Variants in TNRC6B observed in about 807,000 individuals in gnomAD.
TNRC6B encodes the protein trinucleotide repeat containing adaptor 6B, also known as trinucleotide repeat-containing gene 6B protein.
Under a neutral mutation model 203.6 loss-of-function variants are expected in TNRC6B, and 52 were observed. That is an observed-to-expected ratio of 0.26 (90% CI 0.20 to 0.32). The LOEUF is 0.32. Ranked by LOEUF, TNRC6B falls within the 10% of genes least tolerant of loss-of-function variation. TNRC6B has a pLI of 1.00. For missense variants in TNRC6B, 1,923 were observed against 2,286.2 expected (o/e 0.84, Z 3.24); for synonymous variants, 838 against 845.7 (o/e 0.99, Z 0.16).
At chr22:40,090,325 C>T (rs1288756443) in intron 1 of TNRC6B, among the ~76,000 whole-genome samples, 1 of 152,036 alleles carries the variant, frequency 6.6e-6, no homozygotes, top group Admixed American at 6.6e-5. Context: ...CCTGTTTCTC[C>T]ATGTCGTTAC....
rs758172445 is a variant in TNRC6B, at chr22:40,277,138, A to G, written c.3203A>G (p.Asn1068Ser). ...WMNPLAKQFSNMGLLSQTEDN... is the reference protein window; with the variant it reads ...WMNPLAKQFSSMGLLSQTEDN... ...AATCCTCTTGCCAAACAGTTTTCAA[A>G]TATGGGATTGCTGGTAAGTTTTATT... is the stretch of plus-strand genomic sequence containing the variant. The change falls in exon 8 of 23, where the codon AAT becomes AGT. Residue 1068 changes from asparagine to serine, a missense_variant. This residue lies in a region of TNRC6B where 599 missense variants were observed against 656.5 expected (regional missense o/e 0.91). Coordinates refer to ENST00000454349, the MANE Select transcript of TNRC6B (RefSeq NM_001162501.2). 2 of 1,608,324 alleles carry G rather than the reference A, an allele frequency of 1.2e-6. No individual in the cohort carries two copies. Among genetic ancestry groups the G allele is most frequent in the Non-Finnish European group, 1.7e-6 (2 of 1,178,038 alleles).
intron 1 of TNRC6B, among the ~76,000 whole-genome samples, chr22:40,072,389 C>G (rs1054522311): frequency 6.6e-5 from 10 of 152,154 alleles, no homozygotes; most frequent in African/African-American, 2.4e-4. Context: ...TGTCATCCTA[C>G]TAATTATTCC....
intron 1 of TNRC6B, among the ~76,000 whole-genome samples, chr22:40,218,045 C>G (rs895115520): frequency 1.1e-4 from 17 of 151,218 alleles, no homozygotes; most frequent in African/African-American, 3.9e-4. Context: ...AGGACAAAAC[C>G]TATTTGTCTC....
intron 1 of TNRC6B, among the ~76,000 whole-genome samples, chr22:40,051,876 A>G (rs1335000673): frequency 1.3e-5 from 2 of 152,206 alleles, no homozygotes; most frequent in Non-Finnish European, 2.9e-5. Flanking sequence ...ATTATTAATG[A>G]GATACTTTAC....
chr22:40,278,573 A>C (rs1211873629), intron 9 of TNRC6B, among the ~76,000 whole-genome samples: 1 of 151,714 alleles, frequency 6.6e-6, no homozygotes, highest in Non-Finnish European at 1.5e-5. Context: ...AAAAAAAAAA[A>C]ACCTGGGACG....
At chr22:40,096,399 G>A (rs1389758848) in intron 1 of TNRC6B, among the ~76,000 whole-genome samples, 2 of 152,154 alleles carry the variant, frequency 1.3e-5, no homozygotes, top group Non-Finnish European at 1.5e-5. Context: ...TACATTTCCT[G>A]CAGAGATAGG....
chr22:40,062,750 G>A (rs1263197992), intron 1 of TNRC6B, among the ~76,000 whole-genome samples: 1 of 152,020 alleles, frequency 6.6e-6, no homozygotes, highest in African/African-American at 2.4e-5. Flanking sequence ...TTGGCTATTT[G>A]TATATTATTG....
At chr22:40,178,397 C>T (rs553827392) in intron 1 of TNRC6B, among the ~76,000 whole-genome samples, 88 of 152,294 alleles carry the variant, frequency 5.8e-4, no homozygotes, top group African/African-American at 1.9e-3. Flanking sequence ...ATCATCGTTT[C>T]TATCTTGCAA....
chr22:40,276,999 T>C, intron 7 of TNRC6B, 78 bp from the exon 8 acceptor site: 1 of 1,120,716 alleles, frequency 8.9e-7, no homozygotes, highest in Non-Finnish European at 1.2e-6. Context: ...CAAGTCTACA[T>C]TTTCAGTCTG....
chr22:40,267,870 C>CAA (rs34619639), intron 5 of TNRC6B, among the ~76,000 whole-genome samples: 8 of 146,230 alleles, frequency 5.5e-5, no homozygotes, highest in Admixed American at 2.0e-4. Flanking sequence ...ACCCTGTTGC[C>CAA]AAAAAAAAAA....
At chr22:40,131,297 C>G (rs1206516186) in intron 3 of TNRC6B, among the ~76,000 whole-genome samples, 2 of 152,032 alleles carry the variant, frequency 1.3e-5, no homozygotes, top group African/African-American at 4.8e-5. Context: ...GCAGCATCTT[C>G]CGTAACATTT....
chr22:40,176,505 A>T (rs1218200524), upstream of TNRC6B, among the ~76,000 whole-genome samples: 1 of 152,104 alleles, frequency 6.6e-6, no homozygotes, highest in African/African-American at 2.4e-5. Context: ...GTTTCTGGGA[A>T]CTATGTGACC....
intron 4 of TNRC6B, among the ~76,000 whole-genome samples, chr22:40,162,284 C>A (rs190050133): frequency 5.9e-5 from 9 of 152,152 alleles, no homozygotes; most frequent in Non-Finnish European, 1.2e-4. Context: ...TTAGTAGAGA[C>A]GGGGTTTCAC....
At chr22:40,230,633 T>G (rs1197032426) in intron 1 of TNRC6B, among the ~76,000 whole-genome samples, 1 of 152,156 alleles carries the variant, frequency 6.6e-6, no homozygotes, top group Non-Finnish European at 1.5e-5. Flanking sequence ...ATATACTGTG[T>G]ATATAAATTC....
chr22:40,195,452 TGTC>T (rs1031594736), intron 1 of TNRC6B, among the ~76,000 whole-genome samples: 3 of 152,198 alleles, frequency 2.0e-5, no homozygotes, highest in Non-Finnish European at 4.4e-5. Context: ...TTTTTGCCTT[TGTC>T]GTCTTCTCTT....
intron 1 of TNRC6B, among the ~76,000 whole-genome samples, chr22:40,185,772 G>GT (rs2069193422): frequency 6.6e-6 from 1 of 152,176 alleles, no homozygotes; most frequent in African/African-American, 2.4e-5. Flanking sequence ...GGAGGACTTG[G>GT]TGGGGGGGCA....
In TNRC6B at chr22:40,157,499, G is replaced by GAT. The variant is rs1176846587; in HGVS notation, c.113+1318_113+1319insTA. 1.4e-3 allele frequency among the ~76,000 whole-genome samples: 206 copies of GAT among 152,262 alleles called. 1 individual carries two copies. The highest frequency in any genetic ancestry group is 4.1e-3 in the African/African-American group (169 of 41,542). On this transcript the variant is annotated intron_variant, in intron 4 of 23. Transcript: ENST00000301923. ...AAATGGCTCGTCTTGTATTTGTTGT[G>GAT]AATGGAAACCAGGATATTTTCACAG...
chr22:40,127,321 C>T (rs1156308964), intron 3 of TNRC6B, among the ~76,000 whole-genome samples: 1 of 152,142 alleles, frequency 6.6e-6, no homozygotes, highest in Non-Finnish European at 1.5e-5. Flanking sequence ...CTTAGTTTTC[C>T]TTTCCCATAT....
At chr22:40,218,230 G>A (rs564519950) in intron 1 of TNRC6B, among the ~76,000 whole-genome samples, 38 of 151,176 alleles carry the variant, frequency 2.5e-4, no homozygotes, top group Admixed American at 2.1e-3. Context: ...ATTACCAAGT[G>A]ATAGCAAGAA....
Sources: gnomAD v4.1 joint callset for allele counts (sites outside exome capture counted in the v4.1 genomes callset) on GRCh38, gnomAD v4.1.1 for gene constraint, gnomAD v4.1.1 regional missense constraint, MANE v1.5 for transcripts, NCBI Gene and HGNC (gene_info 2026-07-23, HGNC 2026-07-21) for gene names.